Variants in JARID2 observed in about 807,000 individuals in gnomAD.
JARID2 encodes the protein protein Jumonji.
In JARID2, 21 loss-of-function variants were observed where a neutral mutation model predicts 125.6. The observed-to-expected ratio is 0.17, with a 90% CI of 0.12 to 0.24. JARID2 has a LOEUF of 0.24. JARID2 is among the 10% of genes least tolerant of loss of function. JARID2 has a pLI of 1.00. For synonymous variants in JARID2, 736 were observed against 661.6 expected (o/e 1.11, Z -1.73); for missense variants, 1,303 against 1,639.6 (o/e 0.79, Z 3.55).
intron 1 of JARID2, among the ~76,000 whole-genome samples, chr6:15,331,160 C>A (rs1207793399): frequency 1.3e-5 from 2 of 151,706 alleles, no homozygotes; most frequent in African/African-American, 2.4e-5. Context: ...TGGCAAAATC[C>A]TGTCTCTACA....
At chr6:15,277,414 G>A (rs78191930) in intron 1 of JARID2, among the ~76,000 whole-genome samples, 3,668 of 152,158 alleles carry the variant, frequency 0.024, 160 homozygotes, top group African/African-American at 0.082. Context: ...ATGAGCCACC[G>A]TGCTCTTGGC....
At chr6:15,293,278 G>C (rs551974040) in intron 1 of JARID2, among the ~76,000 whole-genome samples, 1 of 152,310 alleles carries the variant, frequency 6.6e-6, no homozygotes, top group Admixed American at 6.5e-5. Context: ...AGCCTGGCGT[G>C]GTGGTGGGCA....
At chr6:15,416,745 G>T (rs1300892510) in intron 3 of JARID2, among the ~76,000 whole-genome samples, 1 of 150,680 alleles carries the variant, frequency 6.6e-6, no homozygotes, top group Non-Finnish European at 1.5e-5. Context: ...AGGGAGAGGG[G>T]CTAACTTATA....
At chr6:15,295,419 C>T (rs1343279262) in intron 1 of JARID2, among the ~76,000 whole-genome samples, 1 of 152,150 alleles carries the variant, frequency 6.6e-6, no homozygotes, top group East Asian at 1.9e-4. Context: ...CTGCTCCTGT[C>T]ATTTCTAATA....
intron 1 of JARID2, among the ~76,000 whole-genome samples, chr6:15,355,714 C>T (rs1039791831): frequency 6.6e-6 from 1 of 151,974 alleles, no homozygotes; most frequent in African/African-American, 2.4e-5. Flanking sequence ...TAGGCTGAAA[C>T]GATTCTCGTG....
intron 1 of JARID2, among the ~76,000 whole-genome samples, chr6:15,317,435 G>A (rs1762215733): frequency 1.3e-5 from 2 of 152,094 alleles, no homozygotes. Flanking sequence ...TTGAAATCTG[G>A]GGTGTTCAAC....
chr6:15,400,679 G>C (rs989752231), intron 2 of JARID2, among the ~76,000 whole-genome samples: 94 of 152,032 alleles, frequency 6.2e-4, no homozygotes, highest in African/African-American at 1.9e-3. Context: ...TTATCAGGGT[G>C]GGGGGAGCCA....
At chr6:15,519,190 G>A (rs1010269185) in intron 17 of JARID2, among the ~76,000 whole-genome samples, 3 of 152,206 alleles carry the variant, frequency 2.0e-5, no homozygotes, top group Admixed American at 6.5e-5. Flanking sequence ...TTGTCCTTAT[G>A]GTAAGGTAGC....
chr6:15,248,587 G>C (rs1162343338), intron 1 of JARID2: 2 of 151,492 alleles, frequency 1.3e-5, no homozygotes, highest in African/African-American at 4.8e-5. Flanking sequence ...ACGCAGTCTC[G>C]AGAGCAACAG....
chr6:15,355,139 G>T (rs1763555266), intron 1 of JARID2, among the ~76,000 whole-genome samples: 1 of 152,200 alleles, frequency 6.6e-6, no homozygotes. Context: ...ATTCTGCCCT[G>T]TGTGAGGTCT....
intron 1 of JARID2, among the ~76,000 whole-genome samples, chr6:15,287,758 G>C (rs137857596): frequency 1.3e-5 from 2 of 152,190 alleles, no homozygotes; most frequent in Admixed American, 1.3e-4. Flanking sequence ...TCCTCGAGGA[G>C]ACATGTCTAG....
At chr6:15,421,179 C>G (rs1165548384) in intron 3 of JARID2, among the ~76,000 whole-genome samples, 1 of 152,122 alleles carries the variant, frequency 6.6e-6, no homozygotes, top group Non-Finnish European at 1.5e-5. Flanking sequence ...CTGGAGGGAT[C>G]ATTTGTTTTC....
At chr6:15,248,392 GC>G (rs1227255850) in intron 1 of JARID2, 2 of 139,158 alleles carry the variant, frequency 1.4e-5, no homozygotes, top group East Asian at 2.2e-4. Flanking sequence ...CGGGGGTGGC[GC>G]GGCCTGCGGG....
intron 3 of JARID2, among the ~76,000 whole-genome samples, chr6:15,450,752 A>G (rs181203226): frequency 4.6e-5 from 7 of 152,374 alleles, no homozygotes; most frequent in Admixed American, 2.6e-4. Context: ...CTATTAGGCA[A>G]TTGACGATAC....
intron 1 of JARID2, among the ~76,000 whole-genome samples, chr6:15,262,073 C>T (rs187956926): frequency 4.2e-4 from 64 of 152,212 alleles, no homozygotes; most frequent in African/African-American, 1.4e-3. Flanking sequence ...AGCCACCGCG[C>T]CCGGCCCAGG....
At chr6:15,368,688 T>C (rs1764059871) in intron 1 of JARID2, 1 of 499,384 alleles carries the variant, frequency 2.0e-6, no homozygotes, top group African/African-American at 1.9e-5. Flanking sequence ...TTTTCCGCTG[T>C]GCTCTTTGAT....
At chr6:15,323,369 A>G (rs1398107213) in intron 1 of JARID2, among the ~76,000 whole-genome samples, 1 of 152,060 alleles carries the variant, frequency 6.6e-6, no homozygotes, top group Non-Finnish European at 1.5e-5. Context: ...GGTGTGCTAC[A>G]GCACCGGGAA....
intron 1 of JARID2, among the ~76,000 whole-genome samples, chr6:15,322,403 TC>T (rs1295072315): frequency 6.6e-6 from 1 of 152,258 alleles, no homozygotes; most frequent in Non-Finnish European, 1.5e-5. Context: ...ATTTGCAAGT[TC>T]CTGTGAAATG....
At chr6:15,502,936 C>G (rs529935941) in intron 8 of JARID2, among the ~76,000 whole-genome samples, 1 of 152,348 alleles carries the variant, frequency 6.6e-6, no homozygotes, top group Admixed American at 6.5e-5. Context: ...AGTAAAGCCA[C>G]TCAGTGAATC....
Sources: allele counts gnomAD v4.1 joint callset (sites outside exome capture counted in the v4.1 genomes callset), GRCh38; gene constraint gnomAD v4.1.1; transcripts MANE v1.5; gene names NCBI Gene and HGNC (gene_info 2026-07-23, HGNC 2026-07-21).